BMPER: variants seen among roughly 807,000 people sequenced by gnomAD.
BMPER encodes the protein BMP binding endothelial regulator.
In BMPER, 45 loss-of-function variants were observed where a neutral mutation model predicts 87.3. That is an observed-to-expected ratio of 0.52 (90% CI 0.41 to 0.66). The LOEUF (loss-of-function observed/expected upper bound fraction) is 0.66. BMPER is among the 30% of genes least tolerant of loss of function. The pLI, the probability that BMPER is intolerant of heterozygous loss-of-function variation, is 0.00. For synonymous variants in BMPER, 326 were observed against 316.2 expected, an observed-to-expected ratio of 1.03 and a Z score of -0.33; for missense variants, 784 against 867.5, an observed-to-expected ratio of 0.90 and a Z score of 1.21.
chr7:34,113,611 A>G (rs1348673367), intron 13 of BMPER, among the ~76,000 whole-genome samples: 2 of 103,498 alleles, frequency 1.9e-5, no homozygotes, highest in African/African-American at 6.6e-5. Context: ...AAAATATAAA[A>G]CTTTGGGCTT....
At chr7:34,148,106 G>GTCTC (rs1181005943) in intron 14 of BMPER, among the ~76,000 whole-genome samples, 1 of 152,080 alleles carries the variant, frequency 6.6e-6, no homozygotes, top group Non-Finnish European at 1.5e-5. Flanking sequence ...CAAGGTCCAT[G>GTCTC]TCTCTAACCC....
At chr7:33,979,708 G>A (rs78927618) in intron 6 of BMPER, among the ~76,000 whole-genome samples, 12,792 of 152,242 alleles carry the variant, frequency 0.084, 533 homozygotes, top group Middle Eastern at 0.11. Flanking sequence ...GTGTGGGTGT[G>A]TGAAGCATCC....
chr7:34,001,658 T>A (rs1379729131), intron 6 of BMPER, among the ~76,000 whole-genome samples: 1 of 151,764 alleles, frequency 6.6e-6, no homozygotes. Context: ...ATTCTGTTTT[T>A]CTATTCTCGA....
At chr7:34,068,950 G>A (rs912512145) in intron 11 of BMPER, among the ~76,000 whole-genome samples, 1 of 152,168 alleles carries the variant, frequency 6.6e-6, no homozygotes, top group African/African-American at 2.4e-5. Flanking sequence ...CATTCTACAG[G>A]CCTCCCTGGA....
At chr7:34,089,502 G>A (rs1472098540) in intron 13 of BMPER, among the ~76,000 whole-genome samples, 6 of 151,368 alleles carry the variant, frequency 4.0e-5, no homozygotes, top group Non-Finnish European at 5.9e-5. Flanking sequence ...TTATTTTTTT[G>A]AGACAGAGTC....
intron 13 of BMPER, among the ~76,000 whole-genome samples, chr7:34,129,275 G>T (rs1209154113): frequency 6.6e-6 from 1 of 151,910 alleles, no homozygotes; most frequent in Non-Finnish European, 1.5e-5. Context: ...GGCTGAGGTG[G>T]GTGGATCATA....
chr7:34,137,121 T>G (rs1022999344), intron 13 of BMPER, among the ~76,000 whole-genome samples: 8 of 152,236 alleles, frequency 5.3e-5, no homozygotes, highest in African/African-American at 1.2e-4. Context: ...TTATATCAAA[T>G]ATGTGCTTTA....
At chr7:34,000,692 T>C (rs1382766316) in intron 6 of BMPER, among the ~76,000 whole-genome samples, 1 of 152,136 alleles carries the variant, frequency 6.6e-6, no homozygotes, top group Non-Finnish European at 1.5e-5. Flanking sequence ...ATTTTAAGTT[T>C]CTGAAGGTTT....
chr7:33,997,850 G>C (rs1786460364), intron 6 of BMPER, among the ~76,000 whole-genome samples: 1 of 152,154 alleles, frequency 6.6e-6, no homozygotes, highest in Admixed American at 6.5e-5. Context: ...AGATATGCTT[G>C]AATGTCACCT....
chr7:33,994,859 A>C (rs1386849210), intron 6 of BMPER, among the ~76,000 whole-genome samples: 1 of 152,136 alleles, frequency 6.6e-6, no homozygotes, highest in East Asian at 1.9e-4. Context: ...CCCATCAGTA[A>C]AATAAGGACT....
At chr7:33,923,955 G>A (rs747609175) in intron 2 of BMPER, among the ~76,000 whole-genome samples, 13 of 152,150 alleles carry the variant, frequency 8.5e-5, no homozygotes, top group Non-Finnish European at 1.8e-4. Flanking sequence ...CTGGTATGCT[G>A]ATAGTTTCCA....
intron 13 of BMPER, among the ~76,000 whole-genome samples, chr7:34,094,899 C>T (rs17824551): frequency 0.27 from 40,704 of 152,058 alleles, 5,777 homozygotes; most frequent in Middle Eastern, 0.32. Context: ...ACCTTCAGAA[C>T]GTCCTATGCC....
In BMPER at chr7:33,994,222, G is replaced by A. The variant is rs372037552; in HGVS notation, c.576+19438G>A. 1.1e-3 allele frequency among the ~76,000 whole-genome samples: 166 copies of A among 152,330 alleles called. 2 individuals are homozygous for A. The East Asian group carries it at 0.028, about 26-fold the overall frequency. ...TGGTGGGCGCCCCTCCCCCAGCCTC[G>A]CTGCCGCCTTGCAGTGTGATCTCAG... On this transcript the variant is annotated intron_variant, in intron 6 of 14. Coordinates refer to ENST00000649409, the MANE Select transcript of BMPER (RefSeq NM_001365308.1).
chr7:34,059,827 C>T (rs374274330), intron 10 of BMPER, among the ~76,000 whole-genome samples: 23 of 151,342 alleles, frequency 1.5e-4, no homozygotes, highest in African/African-American at 5.6e-4. Flanking sequence ...TCTCTTTTTC[C>T]AGATGTAAAT....
At chr7:33,981,504 G>A (rs1469420661) in intron 6 of BMPER, among the ~76,000 whole-genome samples, 2 of 152,042 alleles carry the variant, frequency 1.3e-5, no homozygotes, top group African/African-American at 2.4e-5. Flanking sequence ...CATACTTTAC[G>A]CTCCAAACAT....
Position 34,104,215 on chromosome 7 carries a change from T to G in BMPER, c.1745+18123T>G, listed in dbSNP as rs1789758458. On this transcript the variant is annotated intron_variant, in intron 13 of 14. Coordinates refer to ENST00000649409, the MANE Select transcript of BMPER (RefSeq NM_001365308.1). The stretch of plus-strand genomic sequence containing the variant: ...ATTGATGAGTCGTCCCCCCTTTCTC[T>G]CTAATGCTTCGGTTATTCTGTTTTA... 2.0e-5 allele frequency among the ~76,000 whole-genome samples: 3 copies of G among 152,220 alleles called. No individual in the cohort carries two copies. The South Asian group carries it at 6.2e-4, about 31-fold the overall frequency.
intron 13 of BMPER, among the ~76,000 whole-genome samples, chr7:34,141,652 A>G (rs1790876428): frequency 6.7e-6 from 1 of 150,148 alleles, no homozygotes; most frequent in Non-Finnish European, 1.5e-5. Context: ...CATGATTACT[A>G]CAAAGAAAGA....
At chr7:34,081,548 A>G (rs1789049148) in intron 12 of BMPER, among the ~76,000 whole-genome samples, 1 of 152,222 alleles carries the variant, frequency 6.6e-6, no homozygotes, top group Non-Finnish European at 1.5e-5. Flanking sequence ...GCAGGGTAGA[A>G]CTAAGGCTTA....
At chr7:34,075,452 T>G (rs1475056478) in intron 11 of BMPER, among the ~76,000 whole-genome samples, 1 of 151,494 alleles carries the variant, frequency 6.6e-6, no homozygotes, top group Non-Finnish European at 1.5e-5. Flanking sequence ...ACTTCTGATC[T>G]TTTTTACCCC....
Sources: allele counts gnomAD v4.1 joint callset (sites outside exome capture counted in the v4.1 genomes callset), GRCh38; gene constraint gnomAD v4.1.1; transcripts MANE v1.5; gene names NCBI Gene and HGNC (gene_info 2026-07-23, HGNC 2026-07-21).